The following STAC variants were observed in gnomAD, a reference collection of about 807,000 sequenced individuals.
STAC encodes the protein SH3 and cysteine rich domain.
STAC carries 43 observed loss-of-function variants against 48.8 expected under a neutral mutation model. The ratio of observed to expected loss-of-function variants is 0.88; its 90% confidence interval spans 0.69 to 1.14. The LOEUF (loss-of-function observed/expected upper bound fraction) is 1.14. STAC is among the 50% of genes most tolerant of loss of function. The pLI, the probability that STAC is intolerant of heterozygous loss-of-function variation, is 0.00. For missense variants in STAC, 497 were observed against 504.0 expected, an observed-to-expected ratio of 0.99 and a Z score of 0.13; for synonymous variants, 193 against 179.5, an observed-to-expected ratio of 1.07 and a Z score of -0.60.
At chr3:36,447,467 A>AT (rs1183388877) in intron 2 of STAC, among the ~76,000 whole-genome samples, 1 of 152,190 alleles carries the variant, frequency 6.6e-6, no homozygotes, top group Non-Finnish European at 1.5e-5. Flanking sequence ...TTATATTGCC[A>AT]TTATAATGAA....
chr3:36,396,475 T>A (rs1415593689), intron 1 of STAC, among the ~76,000 whole-genome samples: 1 of 152,186 alleles, frequency 6.6e-6, no homozygotes, highest in Admixed American at 6.5e-5. Context: ...ACTACTTTTT[T>A]CCAGAGTTCC....
At chr3:36,477,090 T>G (rs1021278972) in intron 2 of STAC, among the ~76,000 whole-genome samples, 1 of 152,218 alleles carries the variant, frequency 6.6e-6, no homozygotes, top group African/African-American at 2.4e-5. Context: ...TAGTTACAGA[T>G]TTTTAAAAAA....
At chr3:36,459,276 AAAGC>A (rs1696935456) in intron 2 of STAC, 1 of 152,202 alleles carries the variant, frequency 6.6e-6, no homozygotes, top group Non-Finnish European at 1.5e-5. Context: ...CACCTGAACC[AAAGC>A]ATATACAAAG....
chr3:36,423,764 T>C (rs1700500868), intron 1 of STAC, among the ~76,000 whole-genome samples: 1 of 152,192 alleles, frequency 6.6e-6, no homozygotes, highest in African/African-American at 2.4e-5. Context: ...AATTCTTCCC[T>C]TGCTTAACAC....
At chr3:36,478,958 C>T (rs933693700) in intron 2 of STAC, among the ~76,000 whole-genome samples, 2 of 152,128 alleles carry the variant, frequency 1.3e-5, no homozygotes, top group African/African-American at 4.8e-5. Context: ...CTATTTTTTT[C>T]CAAGTCTGCT....
At chr3:36,537,662 C>G (rs1377047174) in intron 10 of STAC, among the ~76,000 whole-genome samples, 1 of 152,028 alleles carries the variant, frequency 6.6e-6, no homozygotes, top group African/African-American at 2.4e-5. Context: ...ACACATTTAC[C>G]TATCTAACAA....
intron 2 of STAC, among the ~76,000 whole-genome samples, chr3:36,463,562 G>A (rs75633306): frequency 0.031 from 4,689 of 148,910 alleles, 221 homozygotes; most frequent in African/African-American, 0.11. Flanking sequence ...TGTGCACATC[G>A]TGCAGGTTAG....
At chr3:36,536,041 T>C (rs890797740) in intron 10 of STAC, among the ~76,000 whole-genome samples, 1 of 152,070 alleles carries the variant, frequency 6.6e-6, no homozygotes, top group Non-Finnish European at 1.5e-5. Context: ...TCAGAAGAAA[T>C]GGTACCAGCT....
intron 8 of STAC, among the ~76,000 whole-genome samples, chr3:36,522,531 C>T (rs1360731007): frequency 6.6e-6 from 1 of 152,078 alleles, no homozygotes; most frequent in Admixed American, 6.6e-5. Flanking sequence ...CAATGCACAC[C>T]CAATACCTGA....
chr3:36,486,252 A>G lies in STAC; in HGVS notation c.687+3A>G. ...CTGACTCACCTCACAGAACCTCTGT[A>G]ATTATCCTCTTCCTTCCTCGGTTTG... On this transcript the variant is annotated splice_donor_region_variant and intron_variant, in intron 5 of 10. Transcript: ENST00000273183. 6.2e-7 allele frequency: 1 copy of G among 1,612,078 alleles called. No individual in the cohort carries two copies. Among genetic ancestry groups the G allele is most frequent in the East Asian group, 2.2e-5 (1 of 44,834 alleles).
intron 10 of STAC, among the ~76,000 whole-genome samples, chr3:36,544,093 A>G (rs1250353574): frequency 6.6e-6 from 1 of 152,150 alleles, no homozygotes; most frequent in East Asian, 1.9e-4. Flanking sequence ...TTATAAAGGT[A>G]AATCCTCCTC....
chr3:36,436,640 T>G (rs919433985), intron 1 of STAC, among the ~76,000 whole-genome samples: 1 of 152,202 alleles, frequency 6.6e-6, no homozygotes, highest in African/African-American at 2.4e-5. Flanking sequence ...GAAGCCTTCC[T>G]TGTCACCTTC....
chr3:36,387,954 A>G (rs1467526711), intron 1 of STAC, among the ~76,000 whole-genome samples: 3 of 152,116 alleles, frequency 2.0e-5, no homozygotes, highest in East Asian at 3.9e-4. Flanking sequence ...TCTGACGAGT[A>G]ATGCACAAGG....
At chr3:36,434,825 C>A (rs1279537183) in intron 1 of STAC, among the ~76,000 whole-genome samples, 2 of 152,216 alleles carry the variant, frequency 1.3e-5, no homozygotes, top group Non-Finnish European at 2.9e-5. Flanking sequence ...TCTCATGACT[C>A]CCAATTTCTG....
chr3:36,462,992 C>T (rs1333862575), intron 2 of STAC, among the ~76,000 whole-genome samples: 3 of 152,022 alleles, frequency 2.0e-5, no homozygotes, highest in African/African-American at 7.2e-5. Context: ...AATAAGTGAT[C>T]TTTGCATTCC....
intron 8 of STAC, among the ~76,000 whole-genome samples, chr3:36,514,969 T>TGGA (rs1363576508): frequency 6.6e-6 from 1 of 150,972 alleles, no homozygotes; most frequent in Non-Finnish European, 1.5e-5. Flanking sequence ...ACCAGGGAGG[T>TGGA]GGAGGTTGCA....
rs776539885 is a variant in STAC at position 36,493,247 on chromosome 3, C to T, written c.766+18C>T. On this transcript the variant is annotated intron_variant, in intron 6 of 10. Transcript: ENST00000273183. ...CAACAGCGGTGAGTGAGGGAGTTGGCACAGCACAAATGTGATCACATGAGT... is the reference window on the plus strand; with the variant it reads ...CAACAGCGGTGAGTGAGGGAGTTGGTACAGCACAAATGTGATCACATGAGT... 72 of 1,611,378 alleles carry T rather than the reference C, an allele frequency of 4.5e-5. No homozygotes were observed. The highest frequency in any genetic ancestry group is 5.9e-5 in the Non-Finnish European group (69 of 1,178,332).
intron 1 of STAC, among the ~76,000 whole-genome samples, chr3:36,433,320 A>G (rs1575195695): frequency 6.6e-6 from 1 of 152,344 alleles, no homozygotes; most frequent in East Asian, 1.9e-4. Flanking sequence ...ATGACTAGAA[A>G]TAATACTGGA....
Position 36,505,817 on chromosome 3 carries a change from T to C in STAC, c.903T>C (p.Asn301=). ...TGTACAAATTTGTACCACAGGAGAA[T>C]GAAGATTTGGAAATGAGGTAAAAAC... is the stretch of plus-strand genomic sequence containing the variant. The part of the protein sequence containing the change: ...VALYKFVPQE[N]EDLEMRPGDI... Residue 301 remains asparagine, a synonymous_variant, in exon 8 of 11, where the codon AAT becomes AAC. Coordinates refer to ENST00000273183, the MANE Select transcript of STAC (RefSeq NM_003149.3). The C allele has an allele frequency of 1.2e-6, 2 of 1,604,982 alleles. No homozygotes were observed. The highest frequency in any genetic ancestry group is 1.3e-5 in the African/African-American group (1 of 74,536).
Sources: gnomAD v4.1 joint callset for allele counts (sites outside exome capture counted in the v4.1 genomes callset) on GRCh38, gnomAD v4.1.1 for gene constraint, MANE v1.5 for transcripts, NCBI Gene and HGNC (gene_info 2026-07-23, HGNC 2026-07-21) for gene names.